The following OR8H2 variants were observed in gnomAD, a reference collection of about 807,000 sequenced individuals.
The protein encoded by OR8H2 is olfactory receptor 8H2.
For missense variants in OR8H2, 374 were observed against 371.1 expected, an observed-to-expected ratio of 1.01 and a Z score of -0.06; for synonymous variants, 157 against 139.2, an observed-to-expected ratio of 1.13 and a Z score of -0.90.
intron 1 of OR8H2, among the ~76,000 whole-genome samples, chr11:56,104,394 C>T (rs1006800806): frequency 6.6e-6 from 1 of 151,956 alleles, no homozygotes; most frequent in African/African-American, 2.4e-5. Flanking sequence ...TTTTTTATTA[C>T]ATGTCTAGCT....
Sources: allele counts gnomAD v4.1 joint callset (sites outside exome capture counted in the v4.1 genomes callset), GRCh38; gene constraint gnomAD v4.1.1; transcripts MANE v1.5; gene names NCBI Gene and HGNC (gene_info 2026-07-23, HGNC 2026-07-21).